WDR70: variants seen among roughly 807,000 people sequenced by gnomAD.
The protein encoded by WDR70 is WD repeat-containing protein 70.
In WDR70, 53 loss-of-function variants were observed where a neutral mutation model predicts 88.6. The observed-to-expected ratio is 0.60, with a 90% CI of 0.48 to 0.75. The LOEUF (loss-of-function observed/expected upper bound fraction) is 0.75, where lower values mean the gene tolerates loss of function less well. Ranked by LOEUF, WDR70 falls within the 30% of genes least tolerant of loss-of-function variation. The pLI is 0.00. For synonymous variants in WDR70, 280 were observed against 270.0 expected (o/e 1.04, Z -0.36); for missense variants, 610 against 823.2 (o/e 0.74, Z 3.17).
intron 5 of WDR70, among the ~76,000 whole-genome samples, chr5:37,436,204 G>C (rs1750462488): frequency 1.3e-5 from 2 of 152,042 alleles, no homozygotes; most frequent in Non-Finnish European, 2.9e-5. Context: ...AAGATGATGT[G>C]GCCAATATAG....
chr5:37,676,829 C>T (rs948474500), intron 10 of WDR70, among the ~76,000 whole-genome samples: 1 of 152,130 alleles, frequency 6.6e-6, no homozygotes, highest in Non-Finnish European at 1.5e-5. Flanking sequence ...CTCCTTCTAC[C>T]TCTGGTAGAA....
intron 9 of WDR70, among the ~76,000 whole-genome samples, chr5:37,540,905 T>C (rs550942791): frequency 6.6e-6 from 1 of 152,230 alleles, no homozygotes; most frequent in East Asian, 1.9e-4. Flanking sequence ...AAAATCTACT[T>C]AATACTTTAT....
intron 7 of WDR70, among the ~76,000 whole-genome samples, chr5:37,459,315 T>G (rs1324704605): frequency 2.8e-5 from 4 of 145,158 alleles, no homozygotes; most frequent in Non-Finnish European, 6.1e-5. Flanking sequence ...TGATTTGGGG[T>G]GGAGAGTTCT....
At chr5:37,420,862 C>T (rs1749925634) in intron 5 of WDR70, among the ~76,000 whole-genome samples, 1 of 151,960 alleles carries the variant, frequency 6.6e-6, no homozygotes, top group Non-Finnish European at 1.5e-5. Flanking sequence ...TGCAGTGAGC[C>T]GAGATCACGC....
intron 9 of WDR70, among the ~76,000 whole-genome samples, chr5:37,597,927 A>C (rs900604500): frequency 6.6e-6 from 1 of 152,234 alleles, no homozygotes; most frequent in African/African-American, 2.4e-5. Flanking sequence ...GGTGGTAGAC[A>C]TTGTCCTTCA....
chr5:37,402,894 C>T (rs1349203846), intron 5 of WDR70, among the ~76,000 whole-genome samples: 6 of 148,938 alleles, frequency 4.0e-5, no homozygotes, highest in Non-Finnish European at 7.4e-5. Context: ...TAAAATCCAT[C>T]CTTCCTTCCT....
intron 7 of WDR70, among the ~76,000 whole-genome samples, chr5:37,477,008 C>T (rs894977758): frequency 6.6e-6 from 1 of 152,162 alleles, no homozygotes; most frequent in African/African-American, 2.4e-5. Flanking sequence ...TAAAAGTGGA[C>T]CCGTGCAGTT....
chr5:37,698,555 T>C (rs1747051185), intron 11 of WDR70, among the ~76,000 whole-genome samples: 1 of 152,178 alleles, frequency 6.6e-6, no homozygotes, highest in Admixed American at 6.5e-5. Flanking sequence ...CAGGTGAATC[T>C]AACAGTGCTA....
At chr5:37,616,505 T>C (rs1230674659) in intron 10 of WDR70, among the ~76,000 whole-genome samples, 2 of 152,132 alleles carry the variant, frequency 1.3e-5, no homozygotes, top group Non-Finnish European at 2.9e-5. Context: ...TACTAAACAC[T>C]CCACCCTATA....
intron 13 of WDR70, among the ~76,000 whole-genome samples, chr5:37,710,836 A>G (rs978556383): frequency 6.6e-6 from 1 of 151,800 alleles, no homozygotes; most frequent in African/African-American, 2.4e-5. Flanking sequence ...GGTGGAGGCT[A>G]GAGTTGGGGA....
At chr5:37,506,932 C>T in intron 8 of WDR70, 2 of 799,830 alleles carry the variant, frequency 2.5e-6, no homozygotes, top group Non-Finnish European at 4.4e-6. Context: ...TTTCTCTTCC[C>T]ACCTTTCCCT....
intron 9 of WDR70, among the ~76,000 whole-genome samples, chr5:37,599,806 T>C (rs1190987379): frequency 6.6e-6 from 1 of 151,860 alleles, no homozygotes; most frequent in East Asian, 1.9e-4. Flanking sequence ...CACAGGAGAA[T>C]TGCTTGAACC....
chr5:37,502,235 A>T (rs1740425317), intron 8 of WDR70, among the ~76,000 whole-genome samples: 1 of 151,784 alleles, frequency 6.6e-6, no homozygotes, highest in Non-Finnish European at 1.5e-5. Context: ...ATCAGATCTT[A>T]ATTTGATTTT....
chr5:37,733,139 A>C (rs759618260), intron 17 of WDR70, among the ~76,000 whole-genome samples: 1 of 152,136 alleles, frequency 6.6e-6, no homozygotes, highest in Non-Finnish European at 1.5e-5. Flanking sequence ...CTCCAGGGGA[A>C]AATTCATTCT....
intron 10 of WDR70, among the ~76,000 whole-genome samples, chr5:37,658,971 C>A (rs1466045795): frequency 6.6e-6 from 1 of 152,142 alleles, no homozygotes. Flanking sequence ...AGGCAGTTTG[C>A]ATTTGGGCTA....
rs753864179 is a variant in WDR70, at chr5:37,721,234, C to T, written c.1517+19C>T. 1.9e-6 allele frequency: 3 copies of T among 1,607,062 alleles called. No individual in the cohort carries two copies. The highest frequency in any genetic ancestry group is 2.6e-6 in the Non-Finnish European group (3 of 1,173,938). ...GTCAGAGGTATTTCATAAGTATTGC[C>T]TGTTTTAGATGGATGACAACAACTG... On this transcript the variant is annotated intron_variant, in intron 14 of 17. Coordinates refer to ENST00000265107, the MANE Select transcript of WDR70 (RefSeq NM_018034.4).
intron 10 of WDR70, among the ~76,000 whole-genome samples, chr5:37,616,068 C>T (rs900131121): frequency 2.6e-5 from 4 of 152,228 alleles, no homozygotes; most frequent in South Asian, 2.1e-4. Flanking sequence ...TCCAGTCTTT[C>T]GGTTTATACT....
chr5:37,600,451 C>T (rs949513630), intron 9 of WDR70, among the ~76,000 whole-genome samples: 7 of 146,822 alleles, frequency 4.8e-5, no homozygotes, highest in South Asian at 2.1e-4. Context: ...GGCATGAACC[C>T]GCAAGGCGGA....
intron 10 of WDR70, among the ~76,000 whole-genome samples, chr5:37,661,573 T>G (rs1404524683): frequency 6.6e-6 from 1 of 152,144 alleles, no homozygotes; most frequent in Non-Finnish European, 1.5e-5. Flanking sequence ...CTCAAATTAG[T>G]CTCTTCAAGC....
Sources: allele counts gnomAD v4.1 joint callset (sites outside exome capture counted in the v4.1 genomes callset), GRCh38; gene constraint gnomAD v4.1.1; transcripts MANE v1.5; gene names NCBI Gene and HGNC (gene_info 2026-07-23, HGNC 2026-07-21).